IL1RAPL1: variants seen among roughly 807,000 people sequenced by gnomAD.
The protein encoded by IL1RAPL1 is interleukin 1 receptor accessory protein like 1.
In IL1RAPL1, 3 loss-of-function variants were observed where a neutral mutation model predicts 48.4. The ratio of observed to expected loss-of-function variants is 0.06; its 90% CI spans 0.03 to 0.16. IL1RAPL1 has a LOEUF of 0.16. Among genes scored for constraint, IL1RAPL1 ranks in the 10% least tolerant of loss-of-function variants. The probability of loss-of-function intolerance (pLI) is 1.00; values close to 1 mark genes in which losing one functional copy is unlikely to be tolerated. For synonymous variants in IL1RAPL1, 185 were observed against 187.7 expected (o/e 0.99, Z 0.12); for missense variants, 349 against 530.6 (o/e 0.66, Z 3.36).
chrX:29,108,999 G>A (rs888378286), intron 2 of IL1RAPL1, among the ~76,000 whole-genome samples: 1 of 110,508 alleles, frequency 9.0e-6, no homozygotes, highest in Non-Finnish European at 1.9e-5. Flanking sequence ...TTTTGTAAAT[G>A]CGTTTCCCAA....
intron 6 of IL1RAPL1, among the ~76,000 whole-genome samples, chrX:29,908,656 AT>A (rs933782810): frequency 3.6e-5 from 4 of 111,835 alleles, no homozygotes; most frequent in African/African-American, 1.3e-4. Context: ...AGAATTTTAT[AT>A]TTTGGAATAC....
At chrX:29,307,798 A>G (rs778911707) in intron 3 of IL1RAPL1, among the ~76,000 whole-genome samples, 1 of 112,338 alleles carries the variant, frequency 8.9e-6, no homozygotes, top group South Asian at 3.6e-4. Flanking sequence ...GATATACCCA[A>G]TTTTGGAGAT....
chrX:29,156,316 G>A (rs1929568463), intron 2 of IL1RAPL1, among the ~76,000 whole-genome samples: 1 of 111,961 alleles, frequency 8.9e-6, no homozygotes, highest in African/African-American at 3.2e-5. Flanking sequence ...TGAGATGGAA[G>A]GAGAAGATGG....
chrX:28,883,105 A>T (rs1922545332), intron 2 of IL1RAPL1, among the ~76,000 whole-genome samples: 1 of 111,526 alleles, frequency 9.0e-6, no homozygotes, highest in Non-Finnish European at 1.9e-5. Context: ...ACCACAAATA[A>T]AATACCTATA....
At chrX:29,449,728 TACATATGCATACACAC>T (rs1214443530) in intron 5 of IL1RAPL1, among the ~76,000 whole-genome samples, 2 of 79,070 alleles carry the variant, frequency 2.5e-5, no homozygotes, top group South Asian at 7.7e-4. Context: ...AACTTATGCA[TACATATGCATACACAC>T]ACACACACAC....
At chrX:28,662,146 T>C (rs772820055) in intron 1 of IL1RAPL1, among the ~76,000 whole-genome samples, 7 of 109,877 alleles carry the variant, frequency 6.4e-5, no homozygotes, top group Non-Finnish European at 1.3e-4. Context: ...GTGGCCTGGG[T>C]CTAGAGAAGC....
intron 5 of IL1RAPL1, among the ~76,000 whole-genome samples, chrX:29,450,089 A>T (rs1350902688): frequency 1.8e-5 from 2 of 111,941 alleles, no homozygotes; most frequent in Non-Finnish European, 3.8e-5. Flanking sequence ...AAAATGTCAA[A>T]CTGGAAAGGA....
At chrX:29,501,412 AT>A (rs1290615469) in intron 5 of IL1RAPL1, among the ~76,000 whole-genome samples, 5 of 109,297 alleles carry the variant, frequency 4.6e-5, no homozygotes, top group Admixed American at 9.7e-5. Flanking sequence ...TTCCCCAATG[AT>A]TTTTTTTTCT....
chrX:28,893,920 G>T (rs1310009837), intron 2 of IL1RAPL1, among the ~76,000 whole-genome samples: 1 of 111,407 alleles, frequency 9.0e-6, no homozygotes, highest in Non-Finnish European at 1.9e-5. Flanking sequence ...AGTGACCGAT[G>T]TGAAGGAGAA....
At chrX:29,405,303 A>T (rs1602218618) in intron 5 of IL1RAPL1, among the ~76,000 whole-genome samples, 1 of 107,990 alleles carries the variant, frequency 9.3e-6, no homozygotes, top group Non-Finnish European at 1.9e-5. Flanking sequence ...TTTTGATGAG[A>T]TGTTCACTCT....
intron 6 of IL1RAPL1, among the ~76,000 whole-genome samples, chrX:29,781,302 G>A (rs983713412): frequency 8.9e-6 from 1 of 111,802 alleles, no homozygotes; most frequent in Admixed American, 9.5e-5. Context: ...ACACAGAGAA[G>A]GGGCATCTTG....
chrX:28,813,391 G>GAT (rs753980455), intron 2 of IL1RAPL1, among the ~76,000 whole-genome samples: 18 of 111,418 alleles, frequency 1.6e-4, no homozygotes, highest in African/African-American at 5.8e-4. Flanking sequence ...TGTGGTCTGA[G>GAT]ATAATACATT....
chrX:29,352,366 C>T lies in IL1RAPL1; in HGVS notation c.363-43892C>T, dbSNP rs568623055. 3.6e-5 allele frequency among the ~76,000 whole-genome samples: 4 copies of T among 111,512 alleles called. No individual in the cohort carries two copies. In the East Asian group the frequency reaches 8.4e-4, roughly 24 times the overall value. On this transcript the variant is annotated intron_variant, in intron 3 of 10. Coordinates refer to ENST00000378993, the MANE Select transcript of IL1RAPL1 (RefSeq NM_014271.4). ...AGGGAATTCTTGTAGAGAGGATTTC[C>T]ATTAGCCTTGGCAGGTGCCTAAGGT... is the stretch of plus-strand genomic sequence containing the variant.
intron 5 of IL1RAPL1, among the ~76,000 whole-genome samples, chrX:29,434,714 A>G (rs1934462037): frequency 9.0e-6 from 1 of 111,264 alleles, no homozygotes; most frequent in Non-Finnish European, 1.9e-5. Context: ...ATATAGTTTG[A>G]TAGTATTTCA....
chrX:29,542,094 A>G (rs1174396857), intron 5 of IL1RAPL1, among the ~76,000 whole-genome samples: 2 of 111,637 alleles, frequency 1.8e-5, no homozygotes, highest in African/African-American at 6.5e-5. Context: ...AGCATGCATC[A>G]GAAAACACCA....
chrX:29,446,054 A>T (rs1200269142), intron 5 of IL1RAPL1, among the ~76,000 whole-genome samples: 5 of 112,380 alleles, frequency 4.4e-5, no homozygotes, highest in Non-Finnish European at 9.4e-5. Flanking sequence ...AATAACTACC[A>T]GTTGACTGAG....
chrX:29,952,740 T>C (rs1053505218), intron 9 of IL1RAPL1, among the ~76,000 whole-genome samples: 3 of 112,132 alleles, frequency 2.7e-5, no homozygotes, highest in African/African-American at 9.7e-5. Flanking sequence ...AACTATATGC[T>C]GGCTAAAGAA....
chrX:28,684,566 C>A (rs1648700735), intron 1 of IL1RAPL1, among the ~76,000 whole-genome samples: 1 of 111,822 alleles, frequency 8.9e-6, no homozygotes. Flanking sequence ...TGCCTATTTT[C>A]TATTCAGAAA....
intron 6 of IL1RAPL1, among the ~76,000 whole-genome samples, chrX:29,899,582 C>T (rs1470706832): frequency 1.2e-4 from 13 of 105,958 alleles, no homozygotes; most frequent in East Asian, 3.0e-4. Flanking sequence ...CTCACTCTGT[C>T]GCCCAGGCTG....
Sources: gnomAD v4.1 joint callset for allele counts (sites outside exome capture counted in the v4.1 genomes callset) on GRCh38, gnomAD v4.1.1 for gene constraint, MANE v1.5 for transcripts, NCBI Gene and HGNC (gene_info 2026-07-23, HGNC 2026-07-21) for gene names.